The following EPHA1 variants were observed in gnomAD, a reference collection of about 807,000 sequenced individuals.
The protein encoded by EPHA1 is ephrin type-A receptor 1.
In EPHA1, 92 loss-of-function variants were observed where a neutral mutation model predicts 110.1. That is an observed-to-expected ratio of 0.84 (90% confidence interval 0.71 to 0.99). EPHA1 has a LOEUF of 0.99. EPHA1 is among the 50% of genes least tolerant of loss of function. The pLI is 0.00. For synonymous variants in EPHA1, 500 were observed against 516.1 expected (o/e 0.97, Z 0.42); for missense variants, 1,204 against 1,285.4 (o/e 0.94, Z 0.97).
chr7:143,399,010 G>T, intron 5 of EPHA1, 65 bp from the exon 6 acceptor site: 1 of 1,428,824 alleles, frequency 7.0e-7, no homozygotes, highest in Non-Finnish European at 9.4e-7. Flanking sequence ...CTGATCCCCG[G>T]CCTCCACCAC....
Position 143,397,358 on chromosome 7 carries a change from C to T in EPHA1, c.1717G>A (p.Ala573Thr), listed in dbSNP as rs1002258055. Residue 573 changes from alanine to threonine, a missense_variant, in exon 10 of 18, where the codon GCC becomes ACC. By Grantham distance (58) the Ala-to-Thr change is moderately conservative (BLOSUM62 0). Transcript: ENST00000275815. ...LGILVFRSRR[A>T]QRQRQQRQRD... ...TGCCTCTGCTGCCTCTGCCGCTGGGCTCTCCTGTGGGGGTTGGGGACCAGC... is the reference window on the plus strand; with the variant it reads ...TGCCTCTGCTGCCTCTGCCGCTGGGTTCTCCTGTGGGGGTTGGGGACCAGC... 1.3e-6 allele frequency: 2 copies of T among 1,550,000 alleles called. No individual in the cohort carries two copies. Among genetic ancestry groups the T allele is most frequent in the Admixed American group, 3.9e-5 (2 of 51,014 alleles).
Position 143,396,735 on chromosome 7 carries a change from C to T in EPHA1, c.1772-225G>A, listed in dbSNP as rs74710041. ...TGTCCTCACTCCACAAGGTCCGGGGCGGTGGCCAGGATCCACACCCGCAGA... is the reference window on the plus strand; with the variant it reads ...TGTCCTCACTCCACAAGGTCCGGGGTGGTGGCCAGGATCCACACCCGCAGA... On this transcript the variant is annotated intron_variant, in intron 10 of 17. Coordinates refer to ENST00000275815, the MANE Select transcript of EPHA1 (RefSeq NM_005232.5). 1,918 of 495,170 alleles carry T rather than the reference C, an allele frequency of 3.9e-3. 29 individuals are homozygous for T. Among genetic ancestry groups the T allele is most frequent in the African/African-American group, 0.033 (1,708 of 51,900 alleles). The allele number at this position is 495,170 out of a possible 1,614,324, so 30.7% of individuals were successfully genotyped here. A position where few individuals can be genotyped will look rare whatever the true frequency, so the allele number is the denominator to read the frequency against.
At chr7:143,394,671 C>T (rs575529687) in intron 14 of EPHA1, 137 bp downstream of exon 14, 31 of 1,028,942 alleles carry the variant, frequency 3.0e-5, no homozygotes, top group African/African-American at 4.7e-5. Context: ...CCACCTGCCT[C>T]GGCCTCCCAA....
chr7:143,391,820 T>G, intron 16 of EPHA1, 45 bp from the exon 17 acceptor site: 1 of 1,603,798 alleles, frequency 6.2e-7, no homozygotes, highest in Non-Finnish European at 8.5e-7. Context: ...CATGGGCTGA[T>G]CTGGTTGGCC....
chr7:143,393,919 T>C lies in EPHA1; in HGVS notation c.2503-55A>G, dbSNP rs1586577883. 8.7e-6 allele frequency: 13 copies of C among 1,498,524 alleles called. No individual in the cohort carries two copies. The East Asian group carries it at 3.0e-4, about 34-fold the overall frequency. The allele number at this position is 1,498,524 out of a possible 1,614,324, so 92.8% of individuals were successfully genotyped here. ...AGTAGCAAGCTAACCTGGAGGCCCA[T>C]GAGAAACCGACGGTCACACAAGATA... On this transcript the variant is annotated intron_variant, in intron 15 of 17. Transcript: ENST00000275815. The surrounding 1 kb of genome is among the most constrained non-coding windows in gnomAD (Gnocchi z 5.6).
Position 143,401,555 on chromosome 7 carries a change from C to G in EPHA1, c.201G>C (p.Gln67His). The G allele has an allele frequency of 1.2e-6, 2 of 1,614,162 alleles. No homozygotes were observed. Among genetic ancestry groups the G allele is most frequent in the East Asian group, 2.2e-5 (1 of 44,890 alleles). ...ILNGTPLYMY[Q>H]DCPMQGRRDT... ...CTCTGCGTCCTTGCATTGGGCAGTC[C>G]TGGTACATGTACAGGGGTGTCCCAT... Residue 67 changes from glutamine (Q) to histidine (H), a missense_variant, in exon 3 of 18, where the codon CAG (glutamine) becomes CAC (histidine). Gln to His is a conservative substitution (Grantham distance 24). Coordinates refer to ENST00000275815, the MANE Select transcript of EPHA1 (RefSeq NM_005232.5). This position sits in a 1 kb window ranked among gnomAD's most constrained non-coding sequence, Gnocchi z 4.1.
At chr7:143,405,692 T>C (rs1484724384) in intron 2 of EPHA1, among the ~76,000 whole-genome samples, 2 of 152,180 alleles carry the variant, frequency 1.3e-5, no homozygotes, top group Non-Finnish European at 2.9e-5. Flanking sequence ...TGTGGGTGAT[T>C]AGCTGATTTA....
At chr7:143,391,924 C>T in intron 16 of EPHA1, 149 bp from the exon 17 acceptor site, 2 of 1,444,290 alleles carry the variant, frequency 1.4e-6, no homozygotes, top group Non-Finnish European at 1.8e-6. Context: ...TATCTCTGAG[C>T]CCACTTCCTG....
chr7:143,399,136 T>A, intron 5 of EPHA1, 122 bp downstream of exon 5: 1 of 1,359,902 alleles, frequency 7.4e-7, no homozygotes, highest in Non-Finnish European at 1.0e-6. Flanking sequence ...GGGCTAAAAG[T>A]GCCTGACACC....
rs1805069419 is a variant in EPHA1, at chr7:143,391,288, CAA to C, written c.*167_*168del. ...TTCTACCCCCACCTCCCTTTTAAAACAAAGAGGTTTTCTGGGGTGCAGAGCAG... is the reference window on the plus strand; with the variant it reads ...TTCTACCCCCACCTCCCTTTTAAAACAGAGGTTTTCTGGGGTGCAGAGCAG... On this transcript the variant is annotated 3_prime_UTR_variant, in exon 18 of 18. Coordinates refer to ENST00000275815, the MANE Select transcript of EPHA1 (RefSeq NM_005232.5). 6.6e-6 allele frequency: 5 copies of C among 760,216 alleles called. No individual in the cohort carries two copies. The African/African-American group carries it at 7.1e-5, about 11-fold the overall frequency. 47.1% of individuals were successfully genotyped at this position (760,216 alleles called of 1,614,324 possible).
At position 143,396,508 on chromosome 7, in the gene EPHA1, C is replaced by A. The variant is rs781449260; in HGVS notation, c.1774G>T (p.Asp592Tyr). Residue 592 changes from aspartate to tyrosine, a missense_variant and splice_region_variant, in exon 11 of 18, where the codon GAC becomes TAC. Coordinates refer to ENST00000275815, the MANE Select transcript of EPHA1 (RefSeq NM_005232.5). ...RDRATDVDREDKLWLKPYVDL... is the reference protein window; with the variant it reads ...RDRATDVDREYKLWLKPYVDL... ...ACATAAGGCTTCAGCCACAGCTTGTCCTCTATGGGCAGAACATGAGGTTGG... is the reference window on the plus strand; with the variant it reads ...ACATAAGGCTTCAGCCACAGCTTGTACTCTATGGGCAGAACATGAGGTTGG... 6.2e-7 allele frequency: 1 copy of A among 1,613,784 alleles called. No individual in the cohort carries two copies. Among genetic ancestry groups the A allele is most frequent in the African/African-American group, 1.3e-5 (1 of 75,046 alleles).
intron 16 of EPHA1, 67 bp from the exon 17 acceptor site, chr7:143,391,842 G>C: frequency 6.3e-6 from 10 of 1,580,678 alleles, no homozygotes; most frequent in Non-Finnish European, 8.6e-6. Context: ...TGGCCTCTGA[G>C]CATCAGCAGC....
intron 2 of EPHA1, among the ~76,000 whole-genome samples, chr7:143,402,905 C>T (rs1314087833): frequency 6.6e-6 from 1 of 152,172 alleles, no homozygotes. Flanking sequence ...TCACCCTCAT[C>T]CTTCCACTCT....
At chr7:143,406,333 G>A (rs1321393653) in intron 2 of EPHA1, among the ~76,000 whole-genome samples, 1 of 152,208 alleles carries the variant, frequency 6.6e-6, no homozygotes, top group Non-Finnish European at 1.5e-5. Flanking sequence ...CAGAAGGATG[G>A]GGTTGGGAGG....
chr7:143,407,426 G>T (rs1415186143), intron 2 of EPHA1, among the ~76,000 whole-genome samples, 185 bp downstream of exon 2: 1 of 152,002 alleles, frequency 6.6e-6, no homozygotes, highest in Non-Finnish European at 1.5e-5. Flanking sequence ...TCATCTTGAG[G>T]TGAAGTCTGA....
Position 143,397,543 on chromosome 7 carries a change from G to A in EPHA1, c.1712+18C>T, listed in dbSNP as rs777423438. 37 of 1,612,996 alleles carry A rather than the reference G, an allele frequency of 2.3e-5. No individual in the cohort carries two copies. Among genetic ancestry groups the A allele is most frequent in the Non-Finnish European group, 2.9e-5 (34 of 1,179,158 alleles). ...CTGACCCAGGGCTGGTGGTTGGGGA[G>A]GGGGCAGGAGCTGGCACCTGGACCG... On this transcript the variant is annotated intron_variant, in intron 9 of 17. Coordinates refer to ENST00000275815, the MANE Select transcript of EPHA1 (RefSeq NM_005232.5).
chr7:143,395,595 C>G lies in EPHA1; in HGVS notation c.1898-91G>C, dbSNP rs978187992. On this transcript the variant is annotated intron_variant, in intron 11 of 17. Coordinates refer to ENST00000275815, the MANE Select transcript of EPHA1 (RefSeq NM_005232.5). This position sits in a 1 kb window ranked among gnomAD's most constrained non-coding sequence, Gnocchi z 4.7. The stretch of plus-strand genomic sequence containing the variant: ...ACCCCTCCAGTCCTCCGGCCCTTTT[C>G]TTTTCTGGAGAATCAGAAGCGTGGA... 1 of 1,372,980 alleles carries G rather than the reference C, an allele frequency of 7.3e-7. No homozygotes were observed. The highest frequency in any genetic ancestry group is 9.9e-7 in the Non-Finnish European group (1 of 1,007,384). 85.0% of individuals were successfully genotyped at this position (1,372,980 alleles called of 1,614,324 possible). A position where few individuals can be genotyped will look rare whatever the true frequency, so the allele number is the denominator to read the frequency against.
chr7:143,395,277 C>T lies in EPHA1; in HGVS notation c.2083+42G>A. 6.2e-7 allele frequency: 1 copy of T among 1,613,792 alleles called. No homozygotes were observed. Among genetic ancestry groups the T allele is most frequent in the Non-Finnish European group, 8.5e-7 (1 of 1,179,908 alleles). On this transcript the variant is annotated intron_variant, in intron 12 of 17. Coordinates refer to ENST00000275815, the MANE Select transcript of EPHA1 (RefSeq NM_005232.5). This position sits in a 1 kb window ranked among gnomAD's most constrained non-coding sequence, Gnocchi z 4.7. Reference sequence around the variant, plus strand: ...CTTCCAGTGGTTTCACCCCTCTTTCCTGCATTTCCCGCCCCCAGCTGAGGG... The same window carrying T: ...CTTCCAGTGGTTTCACCCCTCTTTCTTGCATTTCCCGCCCCCAGCTGAGGG...
rs1197235062 is a variant in EPHA1 at position 143,401,609 on chromosome 7, C to T, written c.151-4G>A. 6.2e-7 allele frequency: 1 copy of T among 1,606,614 alleles called. No homozygotes were observed. Among genetic ancestry groups the T allele is most frequent in the Non-Finnish European group, 8.5e-7 (1 of 1,173,840 alleles). ...GTATCTGTTGCTGTTCACTCCACTG[C>T]AAGGAGGAAATCAGAGTCAGGGACC... On this transcript the variant is annotated splice_polypyrimidine_tract_variant and splice_region_variant and intron_variant, in intron 2 of 17. Coordinates refer to ENST00000275815, the MANE Select transcript of EPHA1 (RefSeq NM_005232.5). The surrounding 1 kb of genome is among the most constrained non-coding windows in gnomAD (Gnocchi z 4.1).
Sources: allele counts gnomAD v4.1 joint callset (sites outside exome capture counted in the v4.1 genomes callset), GRCh38; gene constraint gnomAD v4.1.1; non-coding constraint Gnocchi (gnomAD v3.1); transcripts MANE v1.5; gene names NCBI Gene and HGNC (gene_info 2026-07-23, HGNC 2026-07-21).